CDC14B: variants seen among roughly 807,000 people sequenced by gnomAD.
CDC14B encodes cell division cycle 14B, also known as dual specificity protein phosphatase CDC14B.
Under a neutral mutation model 64.2 loss-of-function variants are expected in CDC14B, and 22 were observed. The observed-to-expected ratio is 0.34, with a 90% CI of 0.24 to 0.49. The LOEUF is 0.49. Among genes scored for constraint, CDC14B ranks in the 20% least tolerant of loss-of-function variants. The pLI is 0.99. For missense variants in CDC14B, 498 were observed against 629.9 expected, an observed-to-expected ratio of 0.79 and a Z score of 2.24; for synonymous variants, 191 against 215.8, an observed-to-expected ratio of 0.89 and a Z score of 1.01.
intron 13 of CDC14B, among the ~76,000 whole-genome samples, chr9:96,506,183 C>T (rs1834106078): frequency 6.6e-6 from 1 of 152,118 alleles, no homozygotes; most frequent in Non-Finnish European, 1.5e-5. Flanking sequence ...CAAAAGGGTG[C>T]TCTATTTTTT....
chr9:96,565,662 G>A, intron 1 of CDC14B, 179 bp from the exon 2 acceptor site: 1 of 645,082 alleles, frequency 1.6e-6, no homozygotes, highest in Non-Finnish European at 2.8e-6. Context: ...AATAATCAAT[G>A]AGCACATTTT....
At chr9:96,508,079 G>C (rs141518958) in intron 13 of CDC14B, among the ~76,000 whole-genome samples, 111 of 151,668 alleles carry the variant, frequency 7.3e-4, no homozygotes, top group African/African-American at 2.6e-3. Context: ...ACAGTGGTGT[G>C]ATCATGACTC....
intron 1 of CDC14B, among the ~76,000 whole-genome samples, chr9:96,574,103 C>T (rs1358854625): frequency 6.6e-6 from 1 of 151,098 alleles, no homozygotes; most frequent in African/African-American, 2.4e-5. Context: ...GCCGAGATCG[C>T]ACCACTGAAC....
chr9:96,562,055 T>C (rs1279572338), intron 4 of CDC14B, among the ~76,000 whole-genome samples: 2 of 152,192 alleles, frequency 1.3e-5, no homozygotes, highest in African/African-American at 4.8e-5. Flanking sequence ...TACAAATAAA[T>C]GAAATTCACA....
chr9:96,518,516 G>A (rs1185187697), intron 12 of CDC14B, among the ~76,000 whole-genome samples: 1 of 151,838 alleles, frequency 6.6e-6, no homozygotes, highest in African/African-American at 2.4e-5. Context: ...CTCTGTCTCG[G>A]GGAAAAAGAA....
At chr9:96,544,851 A>T (rs1840582847) in intron 5 of CDC14B, among the ~76,000 whole-genome samples, 1 of 151,966 alleles carries the variant, frequency 6.6e-6, no homozygotes, top group South Asian at 2.1e-4. Context: ...GAAGTGAAAA[A>T]CTTCTCTTCC....
In CDC14B at chr9:96,519,585, A is replaced by C. The variant is rs532144892; in HGVS notation, c.1343+2921T>G. Among the ~76,000 whole-genome samples the C allele has an allele frequency of 1.6e-4, 25 of 152,012 alleles. 1 individual carries two copies. The South Asian group carries it at 4.8e-3, about 29-fold the overall frequency. On this transcript the variant is annotated intron_variant, in intron 12 of 13. Coordinates refer to ENST00000375241, the MANE Select transcript of CDC14B (RefSeq NM_033331.4). Reference sequence around the variant, plus strand: ...ACCTTGTCTCTACTAAAAATACAAAAAATTAGCTGGGTGTGGTGGTGCATA... The same window carrying C: ...ACCTTGTCTCTACTAAAAATACAAACAATTAGCTGGGTGTGGTGGTGCATA...
intron 12 of CDC14B, among the ~76,000 whole-genome samples, chr9:96,510,845 A>AT (rs1834815750): frequency 6.6e-6 from 1 of 152,096 alleles, no homozygotes; most frequent in African/African-American, 2.4e-5. Context: ...ATCTCAGGTG[A>AT]TTCGCCCACC....
intron 5 of CDC14B, 23 bp from the exon 6 acceptor site, chr9:96,541,915 T>C (rs1456628459): frequency 1.3e-6 from 2 of 1,558,464 alleles, no homozygotes; most frequent in Admixed American, 1.7e-5. Flanking sequence ...AGTAATAAAA[T>C]GTAGATCAGT....
intron 1 of CDC14B, among the ~76,000 whole-genome samples, chr9:96,570,356 T>C (rs1844397464): frequency 6.6e-6 from 1 of 152,200 alleles, no homozygotes; most frequent in African/African-American, 2.4e-5. Context: ...AGAACCCTAT[T>C]TGGACCTAGA....
intron 6 of CDC14B, among the ~76,000 whole-genome samples, chr9:96,541,399 C>A (rs1036434854): frequency 2.6e-5 from 4 of 152,274 alleles, no homozygotes; most frequent in Non-Finnish European, 5.9e-5. Context: ...CCTGACAAAA[C>A]AAAAATGAAG....
chr9:96,546,155 T>C (rs917610448), intron 5 of CDC14B, among the ~76,000 whole-genome samples: 3 of 152,144 alleles, frequency 2.0e-5, no homozygotes, highest in African/African-American at 7.2e-5. Flanking sequence ...ATGACCCAAA[T>C]ATCCATCAAA....
Position 96,509,893 on chromosome 9 carries a change from T to C in CDC14B, c.1344-104A>G, listed in dbSNP as rs1001744910. 3 of 686,426 alleles carry C rather than the reference T, an allele frequency of 4.4e-6. No individual in the cohort carries two copies. In the African/African-American group the frequency reaches 5.4e-5, roughly 12 times the overall value. The allele number at this position is 686,426 out of a possible 1,614,324, so 42.5% of individuals were successfully genotyped here. A position where few individuals can be genotyped will look rare whatever the true frequency, so the allele number is the denominator to read the frequency against. On this transcript the variant is annotated intron_variant, in intron 12 of 13. Transcript: ENST00000375241. The stretch of plus-strand genomic sequence containing the variant: ...ACTTTAGTGCAAATTATCTTGAGAA[T>C]TGAGAGGATTTTCCATCAACACATT...
At chr9:96,541,715 G>T (rs2131860624) in intron 6 of CDC14B, 111 bp downstream of exon 6, 1 of 604,178 alleles carries the variant, frequency 1.7e-6, no homozygotes, top group Non-Finnish European at 2.8e-6. Context: ...TGTCACCATA[G>T]GCATCTTGGA....
At chr9:96,604,607 C>T (rs1463721391) in intron 1 of CDC14B, among the ~76,000 whole-genome samples, 1 of 151,006 alleles carries the variant, frequency 6.6e-6, no homozygotes, top group Non-Finnish European at 1.5e-5. Context: ...CTCAAACTCC[C>T]GACCTCACGT....
At chr9:96,585,776 A>G (rs550957268) in intron 1 of CDC14B, among the ~76,000 whole-genome samples, 3 of 152,356 alleles carry the variant, frequency 2.0e-5, no homozygotes, top group South Asian at 4.1e-4. Context: ...TCTAAGGCAA[A>G]TTAGTATGTG....
At chr9:96,547,158 T>G (rs1047627407) in intron 5 of CDC14B, among the ~76,000 whole-genome samples, 3 of 147,004 alleles carry the variant, frequency 2.0e-5, no homozygotes, top group Non-Finnish European at 3.0e-5. Context: ...CAAGTGTTTG[T>G]TTTTTTTTTA....
At chr9:96,601,749 G>C (rs1454503083) in intron 1 of CDC14B, among the ~76,000 whole-genome samples, 1 of 146,000 alleles carries the variant, frequency 6.8e-6, no homozygotes, top group Non-Finnish European at 1.5e-5. Flanking sequence ...AGCTGAGGGC[G>C]CACCACTGCA....
chr9:96,561,391 A>G (rs1375951783), intron 4 of CDC14B, among the ~76,000 whole-genome samples: 2 of 152,252 alleles, frequency 1.3e-5, no homozygotes, highest in Non-Finnish European at 2.9e-5. Flanking sequence ...ACTCCAGAAA[A>G]TAATTTTAAA....
Sources: allele counts gnomAD v4.1 joint callset (sites outside exome capture counted in the v4.1 genomes callset), GRCh38; gene constraint gnomAD v4.1.1; transcripts MANE v1.5; gene names NCBI Gene and HGNC (gene_info 2026-07-23, HGNC 2026-07-21).